Variants in EBF3 observed in about 807,000 individuals in gnomAD.
EBF3 encodes EBF transcription factor 3, also known as transcription factor COE3.
In EBF3, 18 loss-of-function variants were observed where a neutral mutation model predicts 77.1. The observed-to-expected ratio is 0.23, with a 90% CI of 0.16 to 0.35. EBF3 has a LOEUF of 0.35. Ranked by LOEUF, EBF3 falls within the 10% of genes least tolerant of loss-of-function variation. EBF3 has a pLI of 1.00. For synonymous variants in EBF3, 350 were observed against 343.5 expected (o/e 1.02, Z -0.21); for missense variants, 558 against 860.0 (o/e 0.65, Z 4.39).
chr10:129,907,506 C>T (rs1855228157), intron 6 of EBF3, among the ~76,000 whole-genome samples: 1 of 152,192 alleles, frequency 6.6e-6, no homozygotes, highest in Admixed American at 6.5e-5. Context: ...GTGGTGGATC[C>T]TTTCCCAGAG....
intron 11 of EBF3, among the ~76,000 whole-genome samples, chr10:129,843,973 T>A (rs1222066649): frequency 6.6e-6 from 1 of 152,226 alleles, no homozygotes; most frequent in African/African-American, 2.4e-5. Flanking sequence ...TAATTTTAAA[T>A]ACAAATGGGG....
At chr10:129,957,496 G>C (rs1859133550) in intron 5 of EBF3, among the ~76,000 whole-genome samples, 170 bp from the exon 6 acceptor site, 1 of 151,782 alleles carries the variant, frequency 6.6e-6, no homozygotes, top group Non-Finnish European at 1.5e-5. Flanking sequence ...CTAAACTTAC[G>C]ATGTAACTTT....
chr10:129,964,161 G>A lies in EBF3; in HGVS notation c.-393C>T, dbSNP rs960593317. 2 of 984,948 alleles carry A rather than the reference G, an allele frequency of 2.0e-6. No homozygotes were observed. The highest frequency in any genetic ancestry group is 1.2e-6 in the Non-Finnish European group (1 of 829,790). 61.0% of individuals were successfully genotyped at this position (984,948 alleles called of 1,614,324 possible). On this transcript the variant is annotated 5_prime_UTR_variant, in exon 1 of 17. Coordinates refer to ENST00000440978, the MANE Select transcript of EBF3 (RefSeq NM_001375380.1). The surrounding 1 kb of genome is among the most constrained non-coding windows in gnomAD (Gnocchi z 4.5). Reference sequence around the variant, plus strand: ...CCGCCTGCTCCAAAGACAAATAAACGGGGCAGTGAGTGCTGCGGCGCAGTC... The same window carrying A: ...CCGCCTGCTCCAAAGACAAATAAACAGGGCAGTGAGTGCTGCGGCGCAGTC...
chr10:129,910,577 CA>C (rs770760044), intron 6 of EBF3, among the ~76,000 whole-genome samples: 20 of 152,142 alleles, frequency 1.3e-4, no homozygotes, highest in Non-Finnish European at 2.6e-4. Context: ...TACATCAATT[CA>C]AGTCCCTATT....
chr10:129,934,079 C>T (rs996842966), intron 6 of EBF3, among the ~76,000 whole-genome samples: 2 of 152,142 alleles, frequency 1.3e-5, no homozygotes, highest in Non-Finnish European at 2.9e-5. Flanking sequence ...CCCTGCTTCT[C>T]CAAAATTCAC....
chr10:129,953,939 A>G (rs748803351), intron 6 of EBF3, among the ~76,000 whole-genome samples: 2 of 152,160 alleles, frequency 1.3e-5, no homozygotes, highest in Non-Finnish European at 2.9e-5. Context: ...GAAACAGGAG[A>G]GATTTATCTG....
At chr10:129,894,766 C>T (rs1018769373) in intron 6 of EBF3, among the ~76,000 whole-genome samples, 1 of 152,226 alleles carries the variant, frequency 6.6e-6, no homozygotes, top group African/African-American at 2.4e-5. Flanking sequence ...CATTTGTCAA[C>T]ATCATCTGTT....
chr10:129,942,424 C>G (rs1488375943), intron 6 of EBF3, among the ~76,000 whole-genome samples: 1 of 152,182 alleles, frequency 6.6e-6, no homozygotes, highest in African/African-American at 2.4e-5. Context: ...AAATGCCAAA[C>G]AAAACAAAAG....
At chr10:129,962,794 C>T (rs1203430993) in intron 3 of EBF3, 148 bp downstream of exon 3, 1 of 887,462 alleles carries the variant, frequency 1.1e-6, no homozygotes, top group Non-Finnish European at 1.7e-6. Flanking sequence ...ACTTATTGAT[C>T]GTTTATGTTT....
chr10:129,846,138 G>A (rs1850448078), intron 11 of EBF3, among the ~76,000 whole-genome samples: 1 of 138,472 alleles, frequency 7.2e-6, no homozygotes. Context: ...GTGTGTGTGT[G>A]TGTGTGTGTA....
intron 6 of EBF3, among the ~76,000 whole-genome samples, chr10:129,942,959 G>T (rs963368293): frequency 6.6e-6 from 1 of 152,182 alleles, no homozygotes; most frequent in African/African-American, 2.4e-5. Flanking sequence ...CTAGGAGCAA[G>T]ATACATTCTA....
chr10:129,953,180 A>G (rs371691260), intron 6 of EBF3, among the ~76,000 whole-genome samples: 2 of 151,062 alleles, frequency 1.3e-5, no homozygotes, highest in Non-Finnish European at 2.9e-5. Context: ...ATGGCTGTGC[A>G]GGGTAGGGGG....
At chr10:129,874,273 T>C (rs765725966) in intron 7 of EBF3, among the ~76,000 whole-genome samples, 2 of 152,202 alleles carry the variant, frequency 1.3e-5, no homozygotes, top group Non-Finnish European at 2.9e-5. Context: ...ATGTCCTCTC[T>C]GTTGCGGTGA....
intron 4 of EBF3, among the ~76,000 whole-genome samples, chr10:129,959,687 G>C (rs1859338948): frequency 6.6e-6 from 1 of 151,886 alleles, no homozygotes; most frequent in South Asian, 2.1e-4. Flanking sequence ...GCCTCCCTGA[G>C]TGGTGGGCAG....
At chr10:129,960,092 G>A (rs1859380398) in intron 4 of EBF3, among the ~76,000 whole-genome samples, 1 of 150,484 alleles carries the variant, frequency 6.6e-6, no homozygotes, top group Non-Finnish European at 1.5e-5. Flanking sequence ...TCCACCACTG[G>A]CCTCGCGAAA....
At chr10:129,913,201 C>T (rs1217237256) in intron 6 of EBF3, among the ~76,000 whole-genome samples, 1 of 152,220 alleles carries the variant, frequency 6.6e-6, no homozygotes, top group African/African-American at 2.4e-5. Context: ...ACTCTGACTC[C>T]ACGTTTTAAC....
At chr10:129,913,459 A>C (rs1855660602) in intron 6 of EBF3, among the ~76,000 whole-genome samples, 1 of 152,236 alleles carries the variant, frequency 6.6e-6, no homozygotes, top group Admixed American at 6.5e-5. Context: ...ATGAATAAAC[A>C]TGGATAGTTT....
chr10:129,939,937 C>A (rs772629303), intron 6 of EBF3, among the ~76,000 whole-genome samples: 2 of 152,240 alleles, frequency 1.3e-5, no homozygotes, highest in Non-Finnish European at 2.9e-5. Flanking sequence ...CTAGAGGGTC[C>A]CCCATGCCCC....
chr10:129,876,743 G>A (rs1031385676), intron 7 of EBF3, among the ~76,000 whole-genome samples: 1 of 152,138 alleles, frequency 6.6e-6, no homozygotes, highest in Non-Finnish European at 1.5e-5. Flanking sequence ...TTGTATTCTA[G>A]CCCAGACTAT....
Sources: gnomAD v4.1 joint callset for allele counts (sites outside exome capture counted in the v4.1 genomes callset) on GRCh38, gnomAD v4.1.1 for gene constraint, Gnocchi (gnomAD v3.1) non-coding constraint, MANE v1.5 for transcripts, NCBI Gene and HGNC (gene_info 2026-07-23, HGNC 2026-07-21) for gene names.